ARRDC4: variants seen among roughly 807,000 people sequenced by gnomAD.
ARRDC4 encodes arrestin domain-containing protein 4.
Under a neutral mutation model 44.6 loss-of-function variants are expected in ARRDC4, and 40 were observed. The ratio of observed to expected loss-of-function variants is 0.90; its 90% confidence interval spans 0.70 to 1.17. ARRDC4 has a LOEUF of 1.17. Among genes scored for constraint, ARRDC4 ranks in the 50% most tolerant of loss-of-function variants. The pLI, the probability that ARRDC4 is intolerant of heterozygous loss-of-function variation, is 0.00. For missense variants in ARRDC4, 550 were observed against 559.1 expected, an observed-to-expected ratio of 0.98 and a Z score of 0.16; for synonymous variants, 211 against 221.2, an observed-to-expected ratio of 0.95 and a Z score of 0.41.
At position 97,966,074 on chromosome 15, in the gene ARRDC4, T is replaced by TTTCCTCCTTCCCTCCC; in HGVS notation, c.522+44_522+59dup. 6.2e-7 allele frequency: 1 copy of TTTCCTCCTTCCCTCCC among 1,609,116 alleles called. No individual in the cohort carries two copies. The highest frequency in any genetic ancestry group is 2.2e-5 in the East Asian group (1 of 44,792). ...TCTTCCTTTTTCTCTTCCTCCTCCT[T>TTTCCTCCTTCCCTCCC]TTCCTCCTTCCCTCCCTTCCTCCTT... On this transcript the variant is annotated intron_variant, in intron 3 of 7. Transcript: ENST00000268042. This position sits in a 1 kb window ranked among gnomAD's most constrained non-coding sequence, Gnocchi z 4.7.
At position 97,960,803 on chromosome 15, in the gene ARRDC4, C is replaced by A; in HGVS notation, c.-59C>A. On this transcript the variant is annotated 5_prime_UTR_variant, in exon 1 of 8. Transcript: ENST00000268042. ...CCTGTGACAGCGGCGCCGCTGTGCTCGCGACCCCGGCTCCGGGCCTCTGCC... is the reference window on the plus strand; with the variant it reads ...CCTGTGACAGCGGCGCCGCTGTGCTAGCGACCCCGGCTCCGGGCCTCTGCC... The A allele has an allele frequency of 8.0e-7, 1 of 1,253,744 alleles. No homozygotes were observed. Among genetic ancestry groups the A allele is most frequent in the South Asian group, 3.0e-5 (1 of 33,230 alleles). The allele number at this position is 1,253,744 out of a possible 1,614,324, so 77.7% of individuals were successfully genotyped here.
intron 1 of ARRDC4, among the ~76,000 whole-genome samples, chr15:97,963,914 CGA>C (rs1354400869): frequency 6.6e-6 from 1 of 152,162 alleles, no homozygotes; most frequent in East Asian, 1.9e-4. Context: ...GCTGTCAGGT[CGA>C]GATGCTTCCC....
rs1208184190 is a variant in ARRDC4 at position 97,967,304 on chromosome 15, A to T, written c.523-710A>T. Among the ~76,000 whole-genome samples the T allele has an allele frequency of 6.6e-6, 1 of 151,884 alleles. No individual in the cohort carries two copies. Among genetic ancestry groups the T allele is most frequent in the Non-Finnish European group, 1.5e-5 (1 of 68,006 alleles). ...GATTCTTTATATAAATAAAAAAAAA[A>T]TATTGCAAGTAACTGGGTTTTACAG... On this transcript the variant is annotated intron_variant, in intron 3 of 7. Transcript: ENST00000268042. The surrounding 1 kb of genome is among the most constrained non-coding windows in gnomAD (Gnocchi z 5.0).
intron 5 of ARRDC4, 59 bp from the exon 6 acceptor site, chr15:97,969,824 A>T: frequency 6.9e-7 from 1 of 1,442,824 alleles, no homozygotes; most frequent in Non-Finnish European, 9.4e-7. Flanking sequence ...TGGGCTACCT[A>T]CTGGAGGTGT....
intron 1 of ARRDC4, among the ~76,000 whole-genome samples, chr15:97,961,372 C>T (rs996310186): frequency 1.3e-5 from 2 of 152,322 alleles, no homozygotes; most frequent in East Asian, 3.9e-4. Flanking sequence ...CCCTGGCCCG[C>T]CGGGCCTGAC....
Position 97,970,429 on chromosome 15 carries a change from T to TCG in ARRDC4, c.1046-159_1046-158insGC, listed in dbSNP as rs1161434208. ...TAGTAGTAGTTTAATAAAAGGAGAA[T>TCG]CTATTTTTTATTGTAATATGCATAA... On this transcript the variant is annotated intron_variant, in intron 6 of 7. Transcript: ENST00000268042. This position sits in a 1 kb window ranked among gnomAD's most constrained non-coding sequence, Gnocchi z 4.2. Among the ~76,000 whole-genome samples the TCG allele has an allele frequency of 1.3e-5, 2 of 152,164 alleles. No individual in the cohort carries two copies. Among genetic ancestry groups the TCG allele is most frequent in the Non-Finnish European group, 2.9e-5 (2 of 68,018 alleles).
chr15:97,961,054 G>A lies in ARRDC4; in HGVS notation c.193G>A (p.Ala65Thr), dbSNP rs781474450. The change falls in exon 1 of 8, where the codon GCC becomes ACC. Residue 65 changes from alanine (A) to threonine (T), a missense_variant. Coordinates refer to ENST00000268042, the MANE Select transcript of ARRDC4 (RefSeq NM_183376.3). ...LRLEAQGRAT[A>T]AWGPSTCPRA... ...CCTGGAGGCCCAGGGGCGCGCCACCGCCGCCTGGGGCCCGAGCACCTGCCC... is the reference window on the plus strand; with the variant it reads ...CCTGGAGGCCCAGGGGCGCGCCACCACCGCCTGGGGCCCGAGCACCTGCCC... The A allele has an allele frequency of 3.5e-6, 5 of 1,423,658 alleles. No homozygotes were observed. The highest frequency in any genetic ancestry group is 2.9e-5 in the South Asian group (2 of 69,222). 88.2% of individuals were successfully genotyped at this position (1,423,658 alleles called of 1,614,324 possible).
intron 4 of ARRDC4, 41 bp from the exon 5 acceptor site, chr15:97,969,082 C>T (rs553863643): frequency 4.4e-6 from 7 of 1,597,616 alleles, no homozygotes; most frequent in Non-Finnish European, 6.0e-6. Context: ...AGAACTTTTT[C>T]AAGAGTCTCT....
chr15:97,971,476 C>T lies in ARRDC4; in HGVS notation c.*289C>T, dbSNP rs1444060103. ...TGGTTACAGAGTAAGTGAAAGGGTGCCTGCGCTGACGTGAGAGAAAGGAAT... is the reference window on the plus strand; with the variant it reads ...TGGTTACAGAGTAAGTGAAAGGGTGTCTGCGCTGACGTGAGAGAAAGGAAT... On this transcript the variant is annotated 3_prime_UTR_variant, in exon 8 of 8. Coordinates refer to ENST00000268042, the MANE Select transcript of ARRDC4 (RefSeq NM_183376.3). The T allele has an allele frequency of 2.1e-5, 8 of 384,658 alleles. No individual in the cohort carries two copies. In the East Asian group the frequency reaches 3.2e-4, roughly 16 times the overall value. The allele number at this position is 384,658 out of a possible 1,614,324, so 23.8% of individuals were successfully genotyped here. A position where few individuals can be genotyped will look rare whatever the true frequency, so the allele number is the denominator to read the frequency against.
intron 1 of ARRDC4, among the ~76,000 whole-genome samples, chr15:97,963,037 G>T (rs1456117368): frequency 6.6e-6 from 1 of 152,200 alleles, no homozygotes; most frequent in Admixed American, 6.5e-5. Flanking sequence ...AAACAAGCCA[G>T]AATCAGAGAG....
rs754568128 is a variant in ARRDC4 at position 97,969,934 on chromosome 15, G to T, written c.934G>T (p.Val312Leu). The T allele has an allele frequency of 1.2e-6, 2 of 1,608,430 alleles. No homozygotes were observed. Among genetic ancestry groups the T allele is most frequent in the South Asian group, 1.1e-5 (1 of 90,738 alleles). The change falls in exon 6 of 8, where the codon GTG becomes TTG. Residue 312 changes from valine (V) to leucine (L), a missense_variant. Physicochemically the swap from Val to Leu is conservative, Grantham distance 32 (BLOSUM62 1). Transcript: ENST00000268042. ...AKKLMLELPL[V>L]IGTIPYNGFG... ...AAAATTGATGCTCGAACTGCCATTA[G>T]TGATCGGTACAATTCCATATAATGG...
chr15:97,969,525 G>C, intron 5 of ARRDC4, 146 bp downstream of exon 5: 1 of 953,266 alleles, frequency 1.0e-6, no homozygotes, highest in Admixed American at 2.8e-5. Context: ...ATTGGCCCTT[G>C]TTTTTAATAA....
rs1178721136 is a variant in ARRDC4, at chr15:97,968,018, C to G, written c.527C>G (p.Pro176Arg). Reference sequence around the variant, plus strand: ...TTATTGTTTGAAATTTTCAAGACCCCTGTATTGAAAACTCAAGAGAAAATG... The same window carrying G: ...TTATTGTTTGAAATTTTCAAGACCCGTGTATTGAAAACTCAAGAGAAAATG... ...VDVNTPALLT[P>R]VLKTQEKMVG... The change falls in exon 4 of 8, where the codon CCT (proline) becomes CGT (arginine). Residue 176 changes from proline to arginine, a missense_variant. Physicochemically the swap from Pro to Arg is moderately radical, Grantham distance 103 (BLOSUM62 -2). Transcript: ENST00000268042. The surrounding 1 kb of genome is among the most constrained non-coding windows in gnomAD (Gnocchi z 5.4). 1.3e-6 allele frequency: 2 copies of G among 1,589,952 alleles called. No homozygotes were observed. Among genetic ancestry groups the G allele is most frequent in the African/African-American group, 2.7e-5 (2 of 73,716 alleles).
At chr15:97,969,094 A>T (rs1358408827) in intron 4 of ARRDC4, 29 bp from the exon 5 acceptor site, 2 of 1,605,632 alleles carry the variant, frequency 1.2e-6, no homozygotes, top group Middle Eastern at 3.3e-4. Flanking sequence ...AGAGTCTCTG[A>T]ATCCTCCCTG....
chr15:97,970,774 ACTGTATT>A lies in ARRDC4; in HGVS notation c.1200+32_1200+38del. The A allele has an allele frequency of 6.3e-7, 1 of 1,593,204 alleles. No individual in the cohort carries two copies. Among genetic ancestry groups the A allele is most frequent in the Non-Finnish European group, 8.6e-7 (1 of 1,166,774 alleles). On this transcript the variant is annotated intron_variant, in intron 7 of 7. Coordinates refer to ENST00000268042, the MANE Select transcript of ARRDC4 (RefSeq NM_183376.3). This position sits in a 1 kb window ranked among gnomAD's most constrained non-coding sequence, Gnocchi z 4.2. ...CAAAGCAAAAGAAAATTAGACTTTT[ACTGTATT>A]ATTTTCAAATAATCATTTTTTGTCA...
chr15:97,966,808 TG>T lies in ARRDC4; in HGVS notation c.522+767del, dbSNP rs1255467941. Among the ~76,000 whole-genome samples the T allele has an allele frequency of 6.6e-6, 1 of 152,326 alleles. No homozygotes were observed. Among genetic ancestry groups the T allele is most frequent in the Non-Finnish European group, 1.5e-5 (1 of 68,012 alleles). The stretch of plus-strand genomic sequence containing the variant: ...GGTTCTTCATTTAAATATGAATGAA[TG>T]ATTTTTTTTACTTCATAGAAAATAC... On this transcript the variant is annotated intron_variant, in intron 3 of 7. Coordinates refer to ENST00000268042, the MANE Select transcript of ARRDC4 (RefSeq NM_183376.3). The surrounding 1 kb of genome is among the most constrained non-coding windows in gnomAD (Gnocchi z 4.7).
Position 97,960,742 on chromosome 15 carries a change from C to A in ARRDC4, c.-120C>A. Reference sequence around the variant, plus strand: ...CGAGCCGGTGCCCCATCGGGTACCGCACGGCTGCCGCGGCGGCCTTACCCT... The same window carrying A: ...CGAGCCGGTGCCCCATCGGGTACCGAACGGCTGCCGCGGCGGCCTTACCCT... On this transcript the variant is annotated 5_prime_UTR_variant, in exon 1 of 8. Transcript: ENST00000268042. The A allele has an allele frequency of 2.2e-6, 2 of 919,502 alleles. No homozygotes were observed. Among genetic ancestry groups the A allele is most frequent in the Non-Finnish European group, 2.9e-6 (2 of 700,744 alleles). 57.0% of individuals were successfully genotyped at this position (919,502 alleles called of 1,614,324 possible).
In ARRDC4 at chr15:97,968,190, AGT is replaced by A. The variant is rs1459748130; in HGVS notation, c.625+77_625+78del. 3.0e-6 allele frequency: 3 copies of A among 1,008,442 alleles called. No individual in the cohort carries two copies. Among genetic ancestry groups the A allele is most frequent in the South Asian group, 2.0e-5 (1 of 51,258 alleles). 62.5% of individuals were successfully genotyped at this position (1,008,442 alleles called of 1,614,324 possible). The stretch of plus-strand genomic sequence containing the variant: ...TAGCTAATTTTAAGTGATTTTAAAT[AGT>A]GTTTTTTGTAATTATATGACGTGTA... On this transcript the variant is annotated intron_variant, in intron 4 of 7. Transcript: ENST00000268042. The surrounding 1 kb of genome is among the most constrained non-coding windows in gnomAD (Gnocchi z 5.4).
rs1328151703 is a variant in ARRDC4, at chr15:97,970,642, C to A, written c.1099C>A (p.Pro367Thr). ...AGAGGAAGAATTCTCTAGACACATT[C>A]CTCCTTACCCTCAACCCCCTAACTG... ...VSEEEFSRHI[P>T]PYPQPPNCEG... Residue 367 changes from proline to threonine, a missense_variant, in exon 7 of 8, where the codon CCT becomes ACT. Pro to Thr is a conservative substitution (Grantham distance 38, BLOSUM62 -1). Coordinates refer to ENST00000268042, the MANE Select transcript of ARRDC4 (RefSeq NM_183376.3). This position sits in a 1 kb window ranked among gnomAD's most constrained non-coding sequence, Gnocchi z 4.2. 1.9e-6 allele frequency: 3 copies of A among 1,613,184 alleles called. No homozygotes were observed. Among genetic ancestry groups the A allele is most frequent in the Non-Finnish European group, 2.5e-6 (3 of 1,179,456 alleles).
Sources: allele counts gnomAD v4.1 joint callset (sites outside exome capture counted in the v4.1 genomes callset), GRCh38; gene constraint gnomAD v4.1.1; non-coding constraint Gnocchi (gnomAD v3.1); transcripts MANE v1.5; gene names NCBI Gene and HGNC (gene_info 2026-07-23, HGNC 2026-07-21).